Variants in FGD4 observed in about 807,000 individuals in gnomAD.
FGD4 encodes FYVE, RhoGEF and PH domain-containing protein 4.
A neutral mutation model predicts 102.0 loss-of-function variants in FGD4; 42 were observed. The observed-to-expected ratio is 0.41, with a 90% CI of 0.32 to 0.53. The LOEUF (loss-of-function observed/expected upper bound fraction) is 0.53. Among genes scored for constraint, FGD4 ranks in the 20% least tolerant of loss-of-function variants. The pLI is 0.21. For missense variants in FGD4, 902 were observed against 1,078.2 expected (o/e 0.84, Z 2.29); for synonymous variants, 380 against 375.7 (o/e 1.01, Z -0.13).
At chr12:32,547,435 AATACACACAC>A (rs1943311176) in intron 1 of FGD4, among the ~76,000 whole-genome samples, 1 of 152,122 alleles carries the variant, frequency 6.6e-6, no homozygotes, top group African/African-American at 2.4e-5. Context: ...AAAAACAAAA[AATACACACAC>A]ATACACACAC....
intron 7 of FGD4, among the ~76,000 whole-genome samples, chr12:32,603,023 C>T (rs1232677213): frequency 6.6e-6 from 1 of 152,132 alleles, no homozygotes; most frequent in Non-Finnish European, 1.5e-5. Context: ...TCACAATGTA[C>T]TTCAGATTAT....
At chr12:32,452,442 T>G (rs1308446165) in intron 1 of FGD4, among the ~76,000 whole-genome samples, 2 of 152,198 alleles carry the variant, frequency 1.3e-5, no homozygotes, top group African/African-American at 4.8e-5. Flanking sequence ...TAGACAATAT[T>G]TAAATATTGG....
intron 1 of FGD4, among the ~76,000 whole-genome samples, chr12:32,474,934 A>T (rs1231614182): frequency 6.6e-6 from 1 of 152,196 alleles, no homozygotes; most frequent in African/African-American, 2.4e-5. Context: ...TTTTGGTGTG[A>T]TGAAAAGGTC....
intron 1 of FGD4, among the ~76,000 whole-genome samples, chr12:32,480,352 C>T (rs1469792159): frequency 2.0e-5 from 3 of 151,540 alleles, no homozygotes; most frequent in Non-Finnish European, 4.4e-5. Context: ...TCAGTAGAGA[C>T]GGGGTTTCAC....
intron 1 of FGD4, among the ~76,000 whole-genome samples, chr12:32,404,367 T>C (rs1940833161): frequency 6.6e-6 from 1 of 152,096 alleles, no homozygotes; most frequent in African/African-American, 2.4e-5. Flanking sequence ...GGAAGAGGGA[T>C]AGAAATTTTG....
At chr12:32,516,743 A>G (rs747716692) in intron 1 of FGD4, among the ~76,000 whole-genome samples, 11 of 152,176 alleles carry the variant, frequency 7.2e-5, no homozygotes, top group Non-Finnish European at 1.6e-4. Flanking sequence ...ATCCCAGGGT[A>G]GTTATTAGGT....
At chr12:32,558,758 T>C (rs1434219849) in intron 1 of FGD4, among the ~76,000 whole-genome samples, 3 of 152,144 alleles carry the variant, frequency 2.0e-5, no homozygotes, top group African/African-American at 7.2e-5. Context: ...ACCTCTGCAG[T>C]TGGAACGAGG....
At chr12:32,626,171 G>A (rs564233657) in intron 14 of FGD4, among the ~76,000 whole-genome samples, 22 of 152,332 alleles carry the variant, frequency 1.4e-4, no homozygotes, top group Admixed American at 1.1e-3. Context: ...GGGGCTGGGC[G>A]CAGTGGCTTA....
intron 4 of FGD4, among the ~76,000 whole-genome samples, chr12:32,591,634 G>A (rs976340912): frequency 6.6e-6 from 1 of 152,236 alleles, no homozygotes; most frequent in African/African-American, 2.4e-5. Context: ...TGCCTATCCA[G>A]TTAATGAACT....
At chr12:32,402,434 G>C (rs557028326) in intron 1 of FGD4, among the ~76,000 whole-genome samples, 2 of 151,656 alleles carry the variant, frequency 1.3e-5, no homozygotes, top group Non-Finnish European at 2.9e-5. Context: ...AGAGAGAGGG[G>C]AGGGGAGTCA....
intron 1 of FGD4, among the ~76,000 whole-genome samples, chr12:32,465,299 T>A (rs1159040276): frequency 6.6e-6 from 1 of 152,052 alleles, no homozygotes; most frequent in Non-Finnish European, 1.5e-5. Flanking sequence ...TTTTCTTCCT[T>A]GTCTTAAGAA....
intron 1 of FGD4, among the ~76,000 whole-genome samples, chr12:32,541,276 G>T (rs1315860521): frequency 6.6e-6 from 1 of 152,184 alleles, no homozygotes; most frequent in Non-Finnish European, 1.5e-5. Context: ...AAAATGTGAG[G>T]CCTGCTAGTC....
chr12:32,500,240 A>G (rs1275709513), intron 1 of FGD4, among the ~76,000 whole-genome samples: 2 of 152,136 alleles, frequency 1.3e-5, no homozygotes, highest in Non-Finnish European at 2.9e-5. Context: ...GAAGATAATA[A>G]TACCTACTTC....
intron 4 of FGD4, among the ~76,000 whole-genome samples, chr12:32,591,246 A>G (rs1042998379): frequency 6.6e-6 from 1 of 152,306 alleles, no homozygotes; most frequent in African/African-American, 2.4e-5. Context: ...TTCATGTCCT[A>G]TAAAAACCTG....
At chr12:32,403,771 A>G (rs2136380075) in intron 1 of FGD4, among the ~76,000 whole-genome samples, 1 of 151,894 alleles carries the variant, frequency 6.6e-6, no homozygotes, top group Non-Finnish European at 1.5e-5. Flanking sequence ...TAATTTTTGT[A>G]TTTTTAGTAG....
chr12:32,485,856 C>G, intron 1 of FGD4: 1 of 1,228,876 alleles, frequency 8.1e-7, no homozygotes, highest in Non-Finnish European at 1.0e-6. Flanking sequence ...CTAGAGCTCT[C>G]TCAGTACATT....
intron 5 of FGD4, among the ~76,000 whole-genome samples, chr12:32,599,512 T>A (rs372635808): frequency 4.4e-4 from 41 of 93,136 alleles, no homozygotes; most frequent in African/African-American, 1.3e-3. Context: ...AAAAAAAGAA[T>A]AACTTTTGAA....
At chr12:32,498,187 G>A (rs2136606765) in intron 1 of FGD4, among the ~76,000 whole-genome samples, 1 of 152,266 alleles carries the variant, frequency 6.6e-6, no homozygotes, top group Non-Finnish European at 1.5e-5. Flanking sequence ...AGGCGCTTTG[G>A]GTATCACTGC....
chr12:32,419,320 T>C (rs535588786), intron 1 of FGD4, among the ~76,000 whole-genome samples: 2 of 152,218 alleles, frequency 1.3e-5, no homozygotes, highest in Non-Finnish European at 2.9e-5. Context: ...AGCCAGCATG[T>C]CTCAGAGCCC....
Sources: gnomAD v4.1 joint callset for allele counts (sites outside exome capture counted in the v4.1 genomes callset) on GRCh38, gnomAD v4.1.1 for gene constraint, MANE v1.5 for transcripts, NCBI Gene and HGNC (gene_info 2026-07-23, HGNC 2026-07-21) for gene names.